The following ASL variants were observed in gnomAD, a reference collection of about 807,000 sequenced individuals.
ASL encodes the protein argininosuccinase.
ASL carries 51 observed loss-of-function variants against 69.1 expected under a neutral mutation model. That is an observed-to-expected ratio of 0.74 (90% CI 0.59 to 0.93). ASL has a LOEUF of 0.93. Ranked by LOEUF, ASL falls within the 40% of genes least tolerant of loss-of-function variation. ASL has a pLI of 0.00. For synonymous variants in ASL, 241 were observed against 247.6 expected, an observed-to-expected ratio of 0.97 and a Z score of 0.25; for missense variants, 540 against 623.9, an observed-to-expected ratio of 0.87 and a Z score of 1.43.
At chr7:66,085,022 T>A (rs147618043) in intron 6 of ASL, among the ~76,000 whole-genome samples, 335 of 152,222 alleles carry the variant, frequency 2.2e-3, no homozygotes, top group African/African-American at 7.3e-3. Context: ...CCTCCCAAAG[T>A]GCTGGGATTA....
chr7:66,086,684 G>T (rs749857218), intron 7 of ASL, 22 bp downstream of exon 7: 1 of 1,613,528 alleles, frequency 6.2e-7, no homozygotes, highest in Non-Finnish European at 8.5e-7. Context: ...GAGGTGCAGG[G>T]GCTGTGCTAG....
intron 15 of ASL, among the ~76,000 whole-genome samples, 164 bp from the exon 16 acceptor site, chr7:66,092,393 T>G (rs1382900070): frequency 6.6e-6 from 1 of 151,208 alleles, no homozygotes; most frequent in Non-Finnish European, 1.5e-5. Context: ...GAGGTGGAGT[T>G]TGCGGTGAGG....
Position 66,089,193 on chromosome 7 carries a change from A to C in ASL, c.918+18A>C, listed in dbSNP as rs1584031880. ...TTGGGCGGGTGAGCAAGGCAGGGGG[A>C]GGGGCGGGGCCTCTGGGCTGATGGT... is the stretch of plus-strand genomic sequence containing the variant. On this transcript the variant is annotated intron_variant, in intron 12 of 16. Coordinates refer to ENST00000304874, the MANE Select transcript of ASL (RefSeq NM_000048.4). 1 of 1,027,602 alleles carries C rather than the reference A, an allele frequency of 9.7e-7. No homozygotes were observed. Among genetic ancestry groups the C allele is most frequent in the Non-Finnish European group, 1.5e-6 (1 of 686,440 alleles). 63.7% of individuals were successfully genotyped at this position (1,027,602 alleles called of 1,614,324 possible).
chr7:66,088,963 C>T, intron 11 of ASL, 42 bp downstream of exon 11: 1 of 1,609,220 alleles, frequency 6.2e-7, no homozygotes, highest in Non-Finnish European at 8.5e-7. Context: ...CTGCCGGCCT[C>T]TGTATCCCCC....
rs60055215 is a variant in ASL, at chr7:66,087,243, C to CGT, written c.603-52_603-51dup. 45,793 of 970,682 alleles carry CGT rather than the reference C, an allele frequency of 0.047. 290 individuals carry two copies. Among genetic ancestry groups the CGT allele is most frequent in the African/African-American group, 0.067 (4,052 of 60,718 alleles). The allele number at this position is 970,682 out of a possible 1,614,324, so 60.1% of individuals were successfully genotyped here. A position where few individuals can be genotyped will look rare whatever the true frequency, so the allele number is the denominator to read the frequency against. On this transcript the variant is annotated intron_variant, in intron 8 of 16. Coordinates refer to ENST00000304874, the MANE Select transcript of ASL (RefSeq NM_000048.4). ...GGACTTGGTTCTCTGTGTGTGCGTT[C>CGT]GTGTGTGTGTGTGTGTGTGTGTGTG...
Position 66,076,038 on chromosome 7 carries a change from G to A in ASL, c.-43-1G>A. The A allele has an allele frequency of 1.3e-6, 2 of 1,585,534 alleles. No individual in the cohort carries two copies. The highest frequency in any genetic ancestry group is 2.3e-5 in the South Asian group (2 of 86,750). ...GTCGTCAGTCCGGTCTTGTCTTCCA[G>A]ACCCGGAGGACCGAAGCTTCCGGAC... On this transcript the variant is annotated splice_acceptor_variant, in intron 1 of 16. Transcript: ENST00000304874. LOFTEE classifies it low-confidence loss of function (5UTR_SPLICE).
At position 66,082,770 on chromosome 7, in the gene ASL, A is replaced by G. The variant is rs543342446; in HGVS notation, c.292-110A>G. The G allele has an allele frequency of 8.6e-5, 115 of 1,329,746 alleles. 4 individuals carry two copies. In the South Asian group the frequency reaches 1.3e-3, roughly 16 times the overall value. The allele number at this position is 1,329,746 out of a possible 1,614,324, so 82.4% of individuals were successfully genotyped here. A position where few individuals can be genotyped will look rare whatever the true frequency, so the allele number is the denominator to read the frequency against. ...GGCGAGAGATTTGGGGAGGACCCGG[A>G]GCCCTGGGGTATGGAGGTAGGTTGG... is the stretch of plus-strand genomic sequence containing the variant. On this transcript the variant is annotated intron_variant, in intron 4 of 16. Transcript: ENST00000304874.
At chr7:66,077,193 C>G (rs536801547) in intron 2 of ASL, among the ~76,000 whole-genome samples, 1 of 152,238 alleles carries the variant, frequency 6.6e-6, no homozygotes, top group South Asian at 2.1e-4. Flanking sequence ...CTTTGGGAGG[C>G]CGAGGCGGGA....
chr7:66,091,789 G>C, intron 14 of ASL: 2 of 594,576 alleles, frequency 3.4e-6, no homozygotes, highest in South Asian at 1.9e-5. Flanking sequence ...AAACATAAAG[G>C]CCAGTAAAAC....
intron 2 of ASL, among the ~76,000 whole-genome samples, chr7:66,079,569 A>C (rs995804794): frequency 3.9e-5 from 6 of 152,226 alleles, no homozygotes; most frequent in African/African-American, 1.4e-4. Context: ...AGCCTGGGCA[A>C]CATAGTGAGA....
In ASL at chr7:66,087,875, C is replaced by T. The variant is rs765634240; in HGVS notation, c.718+84C>T. 7 of 1,536,598 alleles carry T rather than the reference C, an allele frequency of 4.6e-6. No homozygotes were observed. The African/African-American group carries it at 8.2e-5, about 18-fold the overall frequency. ...TTCTCTCCAGTTTCCTCCCACACCT[C>T]CACGGACAGGCTGGTTGTGGTGATA... On this transcript the variant is annotated intron_variant, in intron 10 of 16. Transcript: ENST00000304874.
intron 6 of ASL, among the ~76,000 whole-genome samples, chr7:66,085,291 A>G (rs1010903581): frequency 6.6e-6 from 1 of 152,096 alleles, no homozygotes; most frequent in Non-Finnish European, 1.5e-5. Flanking sequence ...AGCCTGGCCA[A>G]CATGGTGAAA....
intron 2 of ASL, 134 bp downstream of exon 2, chr7:66,076,227 A>C: frequency 8.4e-7 from 1 of 1,185,996 alleles, no homozygotes; most frequent in South Asian, 1.4e-5. Flanking sequence ...GGAAGCCTGC[A>C]CCCCCAGCCC....
intron 2 of ASL, among the ~76,000 whole-genome samples, chr7:66,080,385 CAAAAAA>C (rs138360695): frequency 1.6e-5 from 1 of 61,348 alleles, no homozygotes; most frequent in Non-Finnish European, 2.8e-5. Context: ...GACTCCATCT[CAAAAAA>C]AAAAAAAAAA....
chr7:66,088,786 A>C, intron 10 of ASL, 21 bp from the exon 11 acceptor site: 1 of 1,599,332 alleles, frequency 6.3e-7, no homozygotes, highest in South Asian at 1.1e-5. Context: ...AGGCCTGGTG[A>C]CTGGGAACCT....
At chr7:66,089,038 C>T (rs1786757404) in intron 11 of ASL, 53 bp from the exon 12 acceptor site, 5 of 1,610,772 alleles carry the variant, frequency 3.1e-6, no homozygotes, top group Non-Finnish European at 4.2e-6. Context: ...GCCATTGCGG[C>T]GCTGGACCAG....
At chr7:66,086,427 G>A (rs1056920698) in intron 6 of ASL, among the ~76,000 whole-genome samples, 158 bp from the exon 7 acceptor site, 5 of 152,192 alleles carry the variant, frequency 3.3e-5, no homozygotes, top group African/African-American at 1.2e-4. Context: ...TTGCCCTTAA[G>A]ACTGATTTGT....
intron 2 of ASL, among the ~76,000 whole-genome samples, chr7:66,079,848 G>C (rs1584018388): frequency 1.3e-5 from 2 of 152,036 alleles, no homozygotes; most frequent in Non-Finnish European, 2.9e-5. Context: ...TCTGTCTCCT[G>C]ACCTCATGAT....
At position 66,086,670 on chromosome 7, in the gene ASL, A is replaced by G; in HGVS notation, c.524+8A>G. 6.2e-7 allele frequency: 1 copy of G among 1,613,792 alleles called. No homozygotes were observed. The highest frequency in any genetic ancestry group is 1.3e-5 in the African/African-American group (1 of 75,040). On this transcript the variant is annotated splice_region_variant and intron_variant, in intron 7 of 16. Coordinates refer to ENST00000304874, the MANE Select transcript of ASL (RefSeq NM_000048.4). ...GAGCCACTGGATTCTGAGGTGAGCC[A>G]GGTGAGGTGCAGGGGCTGTGCTAGA...
Sources: gnomAD v4.1 joint callset for allele counts (sites outside exome capture counted in the v4.1 genomes callset) on GRCh38, gnomAD v4.1.1 for gene constraint, MANE v1.5 for transcripts, NCBI Gene and HGNC (gene_info 2026-07-23, HGNC 2026-07-21) for gene names.